Variants in SLC12A2 observed in about 807,000 individuals in gnomAD.
SLC12A2 encodes solute carrier family 12 member 2.
SLC12A2 carries 67 observed loss-of-function variants against 136.3 expected under a neutral mutation model. The observed-to-expected ratio is 0.49, with a 90% confidence interval of 0.40 to 0.60. The LOEUF (loss-of-function observed/expected upper bound fraction) is 0.60. Among genes scored for constraint, SLC12A2 ranks in the 20% least tolerant of loss-of-function variants. SLC12A2 has a pLI of 0.00. For synonymous variants in SLC12A2, 619 were observed against 562.9 expected (o/e 1.10, Z -1.41); for missense variants, 1,322 against 1,534.7 (o/e 0.86, Z 2.32).
rs1554105175 is a variant in SLC12A2 at position 128,126,966 on chromosome 5, A to ATTTT, written c.1049-4083_1049-4080dup. Among the ~76,000 whole-genome samples the ATTTT allele has an allele frequency of 8.0e-3, 170 of 21,162 alleles. 20 individuals are homozygous for ATTTT. The highest frequency in any genetic ancestry group is 0.013 in the Admixed American group (15 of 1,152). The allele number at this position is 21,162 out of a possible 152,430, so 13.9% of individuals were successfully genotyped here. A position where few individuals can be genotyped will look rare whatever the true frequency, so the allele number is the denominator to read the frequency against. On this transcript the variant is annotated intron_variant, in intron 4 of 26. Transcript: ENST00000262461. ...CATATATATATATATATATATATAT[A>ATTTT]TTTTTTTTTTTTTTTTTTTTTGCAT...
chr5:128,119,167 T>C (rs571949043), intron 4 of SLC12A2, among the ~76,000 whole-genome samples: 42 of 152,254 alleles, frequency 2.8e-4, no homozygotes, highest in African/African-American at 9.6e-4. Flanking sequence ...AGGACGGTAA[T>C]AGAGCTAGAA....
intron 14 of SLC12A2, 34 bp downstream of exon 14, chr5:128,151,430 G>C: frequency 6.4e-7 from 1 of 1,573,682 alleles, no homozygotes; most frequent in Non-Finnish European, 8.6e-7. Context: ...TCCCAAGCTA[G>C]AAAACATCTA....
chr5:128,125,533 T>G (rs1018580033), intron 4 of SLC12A2, among the ~76,000 whole-genome samples: 1 of 152,264 alleles, frequency 6.6e-6, no homozygotes, highest in Non-Finnish European at 1.5e-5. Context: ...TAGATTTTTC[T>G]ATATATCTAG....
intron 1 of SLC12A2, chr5:128,110,879 C>T: frequency 7.7e-7 from 1 of 1,290,472 alleles, no homozygotes; most frequent in Non-Finnish European, 1.1e-6. Flanking sequence ...CAGGAATATG[C>T]CAATTTACAA....
intron 19 of SLC12A2, among the ~76,000 whole-genome samples, chr5:128,172,412 T>C (rs1763405539): frequency 6.6e-6 from 1 of 152,192 alleles, no homozygotes; most frequent in Admixed American, 6.5e-5. Flanking sequence ...GGTTGTGTAG[T>C]TGTGTGCCAC....
chr5:128,177,938 C>G (rs1763584824), intron 21 of SLC12A2, among the ~76,000 whole-genome samples: 1 of 152,106 alleles, frequency 6.6e-6, no homozygotes, highest in Non-Finnish European at 1.5e-5. Context: ...AAGGAGCTCC[C>G]ACCATCTTTC....
chr5:128,087,791 T>C (rs1046197853), intron 1 of SLC12A2, among the ~76,000 whole-genome samples: 5 of 152,076 alleles, frequency 3.3e-5, no homozygotes, highest in African/African-American at 1.2e-4. Context: ...TAGTAAAGGT[T>C]GGTGGCACAA....
chr5:128,187,478 C>G lies in SLC12A2; in HGVS notation c.*847C>G, dbSNP rs1763905492. 6.6e-6 allele frequency: 1 copy of G among 152,032 alleles called. No homozygotes were observed. Among genetic ancestry groups the G allele is most frequent in the African/African-American group, 2.4e-5 (1 of 41,404 alleles). The allele number at this position is 152,032 out of a possible 1,614,324, so 9.4% of individuals were successfully genotyped here. On this transcript the variant is annotated 3_prime_UTR_variant, in exon 27 of 27. Transcript: ENST00000262461. ...AGAAAACTGTCCTAATTTAGAATTT[C>G]CCTCAAATCTGAGGGACTTTTAAGA... is the stretch of plus-strand genomic sequence containing the variant.
At chr5:128,182,644 A>C (rs1257551556) in intron 23 of SLC12A2, among the ~76,000 whole-genome samples, 1 of 152,126 alleles carries the variant, frequency 6.6e-6, no homozygotes, top group Non-Finnish European at 1.5e-5. Flanking sequence ...AGATTCAGAG[A>C]AAGTAAAATA....
At chr5:128,155,428 T>G (rs1190783913) in intron 15 of SLC12A2, among the ~76,000 whole-genome samples, 1 of 152,206 alleles carries the variant, frequency 6.6e-6, no homozygotes, top group Non-Finnish European at 1.5e-5. Flanking sequence ...ATGATTTTGA[T>G]TAGATCATAT....
intron 1 of SLC12A2, chr5:128,110,675 C>G: frequency 1.5e-6 from 2 of 1,331,450 alleles, no homozygotes; most frequent in Non-Finnish European, 2.2e-6. Context: ...CTACTATGAA[C>G]ATTTTTACAA....
rs1054253186 is a variant in SLC12A2 at position 128,182,727 on chromosome 5, T to G, written c.3213-128T>G. 87 of 594,812 alleles carry G rather than the reference T, an allele frequency of 1.5e-4. 1 individual carries two copies. Among genetic ancestry groups the G allele is most frequent in the Non-Finnish European group, 8.8e-6 (3 of 339,658 alleles). 36.8% of individuals were successfully genotyped at this position (594,812 alleles called of 1,614,324 possible). ...TTTGTGAATGAATGGTGTGAATTAA[T>G]TCAAATGGATATTGTTTAGCATATG... is the stretch of plus-strand genomic sequence containing the variant. On this transcript the variant is annotated intron_variant, in intron 23 of 26. Transcript: ENST00000262461.
At chr5:128,174,454 A>G in intron 19 of SLC12A2, 87 bp from the exon 20 acceptor site, 3 of 989,222 alleles carry the variant, frequency 3.0e-6, no homozygotes, top group South Asian at 1.7e-5. Flanking sequence ...TTATTTTTTC[A>G]TAATAGTTTA....
chr5:128,116,329 A>G (rs1392717912), intron 4 of SLC12A2, among the ~76,000 whole-genome samples: 6 of 151,786 alleles, frequency 4.0e-5, no homozygotes, highest in Non-Finnish European at 7.4e-5. Context: ...CCAAAAAGCC[A>G]TTTCATTTTT....
At chr5:128,172,331 G>A (rs184637417) in intron 19 of SLC12A2, among the ~76,000 whole-genome samples, 1 of 152,026 alleles carries the variant, frequency 6.6e-6, no homozygotes, top group East Asian at 1.9e-4. Flanking sequence ...CTATATCCAA[G>A]CCAGGAAATT....
chr5:128,149,878 G>A, intron 12 of SLC12A2, 119 bp from the exon 13 acceptor site: 2 of 725,924 alleles, frequency 2.8e-6, no homozygotes, highest in Admixed American at 4.8e-5. Context: ...AAATGTTTAT[G>A]AAAGCTGGAT....
rs1759961777 is a variant in SLC12A2, at chr5:128,084,249, G to A, written c.295G>A (p.Ala99Thr). Reference sequence around the variant, plus strand: ...CGGGCGGGCCGCTGCTGCGGCGGCGGCGGCGGCGGCGGCAGCGGCGGCGGC... The same window carrying A: ...CGGGCGGGCCGCTGCTGCGGCGGCGACGGCGGCGGCGGCAGCGGCGGCGGC... ...NAGRAAAAAA[A>T]AAAAAAAAGA... Residue 99 changes from alanine (A) to threonine (T), a missense_variant, in exon 1 of 27, where the codon GCG becomes ACG. By Grantham distance (58) the Ala-to-Thr change is moderately conservative. Coordinates refer to ENST00000262461, the MANE Select transcript of SLC12A2 (RefSeq NM_001046.3). This position sits in a 1 kb window ranked among gnomAD's most constrained non-coding sequence, Gnocchi z 5.6. The A allele has an allele frequency of 1.6e-6, 2 of 1,237,438 alleles. No individual in the cohort carries two copies. Among genetic ancestry groups the A allele is most frequent in the Middle Eastern group, 2.7e-4 (1 of 3,658 alleles). 76.7% of individuals were successfully genotyped at this position (1,237,438 alleles called of 1,614,324 possible).
At chr5:128,091,252 G>A (rs1314695716) in intron 1 of SLC12A2, among the ~76,000 whole-genome samples, 1 of 152,086 alleles carries the variant, frequency 6.6e-6, no homozygotes, top group Non-Finnish European at 1.5e-5. Context: ...TATTTAGAAT[G>A]GAGTTGATAT....
At chr5:128,101,314 A>G (rs1760733150) in intron 1 of SLC12A2, among the ~76,000 whole-genome samples, 1 of 152,174 alleles carries the variant, frequency 6.6e-6, no homozygotes, top group South Asian at 2.1e-4. Flanking sequence ...ATGTATGCAC[A>G]TATTTTTAGT....
Sources: allele counts gnomAD v4.1 joint callset (sites outside exome capture counted in the v4.1 genomes callset), GRCh38; gene constraint gnomAD v4.1.1; non-coding constraint Gnocchi (gnomAD v3.1); transcripts MANE v1.5; gene names NCBI Gene and HGNC (gene_info 2026-07-23, HGNC 2026-07-21).